Variants in DLC1 observed in about 807,000 individuals in gnomAD.
The protein encoded by DLC1 is DLC1 Rho GTPase activating protein.
A neutral mutation model predicts 140.3 loss-of-function variants in DLC1; 54 were observed. That is an observed-to-expected ratio of 0.38 (90% confidence interval 0.31 to 0.48). The LOEUF (loss-of-function observed/expected upper bound fraction) is 0.48, where lower values mean the gene tolerates loss of function less well. DLC1 is among the 20% of genes least tolerant of loss of function. The probability of loss-of-function intolerance (pLI) is 0.96; values close to 1 mark genes in which losing one functional copy is unlikely to be tolerated. For synonymous variants in DLC1, 986 were observed against 728.1 expected (o/e 1.35, Z -5.70); for missense variants, 2,536 against 1,907.0 (o/e 1.33, Z -6.14).
Position 13,513,716 on chromosome 8 carries a change from A to G in DLC1, c.-126+886T>C, listed in dbSNP as rs561953099. Among the ~76,000 whole-genome samples, 3 of 152,296 alleles carry G rather than the reference A, an allele frequency of 2.0e-5. No homozygotes were observed. The South Asian group carries it at 6.2e-4, about 32-fold the overall frequency. ...CATTACTAAACTTCTTTTCTAATAT[A>G]TTGTACATTTAAACATTTAAGATTA... On this transcript the variant is annotated intron_variant, in intron 1 of 17. Transcript: ENST00000276297.
chr8:13,190,046 A>C (rs1826656793), intron 5 of DLC1, among the ~76,000 whole-genome samples: 1 of 152,210 alleles, frequency 6.6e-6, no homozygotes, highest in Non-Finnish European at 1.5e-5. Flanking sequence ...AGCCGCTGCA[A>C]AAAACATCAA....
At chr8:13,397,812 A>T (rs1157576537) in intron 3 of DLC1, among the ~76,000 whole-genome samples, 1 of 151,952 alleles carries the variant, frequency 6.6e-6, no homozygotes, top group East Asian at 1.9e-4. Context: ...CAGCCTGAGC[A>T]ACACATATTA....
At chr8:13,496,002 T>C (rs2117185170) in intron 2 of DLC1, among the ~76,000 whole-genome samples, 1 of 152,340 alleles carries the variant, frequency 6.6e-6, no homozygotes, top group South Asian at 2.1e-4. Flanking sequence ...ACTAAAATGA[T>C]ATTAGCCTTA....
intron 5 of DLC1, among the ~76,000 whole-genome samples, chr8:13,144,404 C>A (rs9643935): frequency 0.34 from 52,286 of 151,898 alleles, 10,157 homozygotes; most frequent in East Asian, 0.54. Context: ...CCTTGGTTCT[C>A]CACCTTGCGG....
rs78170437 is a variant in DLC1, at chr8:13,098,580, G to A, written c.2991-5C>T. Reference sequence around the variant, plus strand: ...CTGTGCCATCTCAGTCGGTGCCTGCGAGAGAAGAGGAGAGGAAAATGAGTG... The same window carrying A: ...CTGTGCCATCTCAGTCGGTGCCTGCAAGAGAAGAGGAGAGGAAAATGAGTG... On this transcript the variant is annotated splice_region_variant and splice_polypyrimidine_tract_variant and intron_variant, in intron 9 of 17. Transcript: ENST00000276297. The A allele has an allele frequency of 2.0e-5, 33 of 1,610,686 alleles. No homozygotes were observed. In the South Asian group the frequency reaches 2.3e-4, roughly 11 times the overall value.
intron 2 of DLC1, among the ~76,000 whole-genome samples, chr8:13,403,824 T>TTC (rs1837406203): frequency 6.7e-6 from 1 of 148,482 alleles, no homozygotes; most frequent in African/African-American, 2.5e-5. Context: ...TTTTTTTTTT[T>TTC]TTTTTGGTAT....
intron 1 of DLC1, among the ~76,000 whole-genome samples, chr8:13,553,684 A>T (rs1402703979): frequency 1.3e-5 from 2 of 151,658 alleles, no homozygotes; most frequent in Non-Finnish European, 2.9e-5. Context: ...TCATGGCAAA[A>T]TTTTTAAAAG....
chr8:13,484,128 G>A (rs1039823685), intron 2 of DLC1, among the ~76,000 whole-genome samples: 3 of 152,126 alleles, frequency 2.0e-5, no homozygotes, highest in African/African-American at 7.2e-5. Context: ...CTGAGCTGCA[G>A]TGTGGAATAT....
chr8:13,176,885 GAGA>G (rs1213925456), intron 5 of DLC1, among the ~76,000 whole-genome samples: 1 of 152,126 alleles, frequency 6.6e-6, no homozygotes, highest in Admixed American at 6.5e-5. Context: ...AAAGCAATAT[GAGA>G]AGAACTGGCT....
chr8:13,307,733 C>A (rs1398703156), intron 4 of DLC1, among the ~76,000 whole-genome samples: 1 of 152,114 alleles, frequency 6.6e-6, no homozygotes, highest in Non-Finnish European at 1.5e-5. Context: ...TTGTGTATGA[C>A]CCAGTTTTAA....
intron 5 of DLC1, among the ~76,000 whole-genome samples, chr8:13,203,054 A>G (rs1476256563): frequency 6.6e-6 from 1 of 152,194 alleles, no homozygotes; most frequent in Admixed American, 6.5e-5. Context: ...AAAACCGAAT[A>G]GTAGGAAAGT....
chr8:13,150,851 C>A (rs180935917), intron 5 of DLC1, among the ~76,000 whole-genome samples: 1 of 152,338 alleles, frequency 6.6e-6, no homozygotes, highest in East Asian at 1.9e-4. Flanking sequence ...AGAGAACTTT[C>A]TTCCCTGGAG....
intron 3 of DLC1, among the ~76,000 whole-genome samples, chr8:13,401,200 C>T (rs899040084): frequency 4.6e-5 from 7 of 152,208 alleles, no homozygotes; most frequent in Non-Finnish European, 7.3e-5. Flanking sequence ...TTGATCACTA[C>T]AAACCATAAT....
At chr8:13,194,484 G>A (rs917162303) in intron 5 of DLC1, among the ~76,000 whole-genome samples, 1 of 152,166 alleles carries the variant, frequency 6.6e-6, no homozygotes, top group African/African-American at 2.4e-5. Context: ...AGAAGGCCCT[G>A]GTGAACTGTG....
chr8:13,487,274 T>C (rs1165443199), intron 2 of DLC1, among the ~76,000 whole-genome samples: 1 of 152,208 alleles, frequency 6.6e-6, no homozygotes, highest in Non-Finnish European at 1.5e-5. Context: ...CATAATATTT[T>C]TGTTAAGTAA....
Position 13,253,299 on chromosome 8 carries a change from C to T in DLC1, c.1348+51970G>A, listed in dbSNP as rs150952970. Among the ~76,000 whole-genome samples, 7 of 152,320 alleles carry T rather than the reference C, an allele frequency of 4.6e-5. No homozygotes were observed. In the South Asian group the frequency reaches 8.3e-4, roughly 18 times the overall value. On this transcript the variant is annotated intron_variant, in intron 5 of 17. Transcript: ENST00000276297. ...CTGTTCTTGGTAATTTTCTTTGCTT[C>T]TTGCACAGATGTCAGAGAGTAACAA...
intron 14 of DLC1, among the ~76,000 whole-genome samples, chr8:13,090,895 C>G (rs1006873726): frequency 4.0e-5 from 6 of 151,508 alleles, no homozygotes; most frequent in Admixed American, 2.6e-4. Context: ...CCTCCACATC[C>G]CTGGGCTCAG....
chr8:13,259,085 C>T (rs553002463), intron 5 of DLC1, among the ~76,000 whole-genome samples: 9 of 142,194 alleles, frequency 6.3e-5, no homozygotes, highest in East Asian at 2.0e-4. Flanking sequence ...TGCAGTGAGC[C>T]GAGATCACAC....
At chr8:13,196,501 G>A (rs143456831) in intron 5 of DLC1, among the ~76,000 whole-genome samples, 260 of 152,196 alleles carry the variant, frequency 1.7e-3, no homozygotes, top group African/African-American at 5.9e-3. Flanking sequence ...TCATCTATCA[G>A]CTGTCTCTCA....
Sources: gnomAD v4.1 joint callset for allele counts (sites outside exome capture counted in the v4.1 genomes callset) on GRCh38, gnomAD v4.1.1 for gene constraint, MANE v1.5 for transcripts, NCBI Gene and HGNC (gene_info 2026-07-23, HGNC 2026-07-21) for gene names.